The following SORBS2 variants were observed in gnomAD, a reference collection of about 807,000 sequenced individuals.
SORBS2 encodes the protein sorbin and SH3 domain-containing protein 2.
SORBS2 carries 46 observed loss-of-function variants against 97.7 expected under a neutral mutation model. The ratio of observed to expected loss-of-function variants is 0.47; its 90% confidence interval spans 0.37 to 0.60. The LOEUF is 0.60. Ranked by LOEUF, SORBS2 falls within the 20% of genes least tolerant of loss-of-function variation. The probability of loss-of-function intolerance (pLI) is 0.00; values close to 1 mark genes in which losing one functional copy is unlikely to be tolerated. For synonymous variants in SORBS2, 476 were observed against 473.4 expected (o/e 1.01, Z -0.07); for missense variants, 1,316 against 1,282.3 (o/e 1.03, Z -0.40).
chr4:185,635,336 G>T lies in SORBS2; in HGVS notation c.397-4738C>A. 6.3e-7 allele frequency: 1 copy of T among 1,578,694 alleles called. No individual in the cohort carries two copies. The highest frequency in any genetic ancestry group is 8.7e-7 in the Non-Finnish European group (1 of 1,148,248). On this transcript the variant is annotated intron_variant, in intron 4 of 14. Coordinates refer to ENST00000418609, the Ensembl canonical transcript of SORBS2. The stretch of plus-strand genomic sequence containing the variant: ...CTCTAAGGGAGATATCTGAAAAAGA[G>T]AGAATAACGTGTTTTTACCTCATTG...
At chr4:185,689,020 A>G (rs2098037692) in intron 2 of SORBS2, among the ~76,000 whole-genome samples, 2 of 152,194 alleles carry the variant, frequency 1.3e-5, no homozygotes, top group African/African-American at 4.8e-5. Context: ...CTAAGCAGTA[A>G]CTTGGGTCAA....
intron 2 of SORBS2, among the ~76,000 whole-genome samples, chr4:185,761,273 C>G (rs2098888342): frequency 6.6e-6 from 1 of 152,212 alleles, no homozygotes; most frequent in Non-Finnish European, 1.5e-5. Flanking sequence ...TCTTGAAAAT[C>G]TGTACCGAAA....
At chr4:185,904,950 C>T (rs1371234421) in intron 1 of SORBS2, among the ~76,000 whole-genome samples, 1 of 151,990 alleles carries the variant, frequency 6.6e-6, no homozygotes, top group African/African-American at 2.4e-5. Flanking sequence ...ACTAAAAATA[C>T]AAAATTAGCC....
At chr4:185,801,262 T>G (rs1285135507) in intron 1 of SORBS2, among the ~76,000 whole-genome samples, 2 of 152,274 alleles carry the variant, frequency 1.3e-5, no homozygotes, top group Non-Finnish European at 2.9e-5. Flanking sequence ...CACCACATTT[T>G]CTTTATCCAT....
chr4:185,883,806 C>A (rs1478171682), intron 1 of SORBS2, among the ~76,000 whole-genome samples: 3 of 152,160 alleles, frequency 2.0e-5, no homozygotes, highest in East Asian at 1.9e-4. Flanking sequence ...TATGATCATG[C>A]CACTGTATGC....
At chr4:185,716,309 T>A (rs755518255) in intron 2 of SORBS2, among the ~76,000 whole-genome samples, 1 of 152,190 alleles carries the variant, frequency 6.6e-6, no homozygotes, top group African/African-American at 2.4e-5. Flanking sequence ...AAGTGACTTA[T>A]CCTCTCTCTG....
chr4:185,623,244 C>A lies in SORBS2; in HGVS notation c.1885G>T (p.Ala629Ser). The A allele has an allele frequency of 6.2e-7, 1 of 1,614,134 alleles. No individual in the cohort carries two copies. Among genetic ancestry groups the A allele is most frequent in the Non-Finnish European group, 8.5e-7 (1 of 1,180,022 alleles). Reference sequence around the variant, plus strand: ...GAGTCCAGAGCCTCAAACACAGATGCTTTACATTTTGCCTTTTCAGTCTGT... The same window carrying A: ...GAGTCCAGAGCCTCAAACACAGATGATTTACATTTTGCCTTTTCAGTCTGT... The change falls in exon 7 of 15, where the codon GCA becomes TCA. Residue 629 changes from alanine (A) to serine (S), a missense_variant. Ala to Ser is a moderately conservative substitution (Grantham distance 99). Transcript: ENST00000418609. This position sits in a 1 kb window ranked among gnomAD's most constrained non-coding sequence, Gnocchi z 6.4.
intron 1 of SORBS2, among the ~76,000 whole-genome samples, chr4:185,942,769 T>C (rs1347768697): frequency 6.6e-6 from 1 of 152,198 alleles, no homozygotes; most frequent in Admixed American, 6.5e-5. Flanking sequence ...TTCTTGCCTT[T>C]AAGGAGTTTA....
intron 1 of SORBS2, among the ~76,000 whole-genome samples, chr4:185,935,526 C>T (rs528052681): frequency 6.6e-6 from 1 of 152,262 alleles, no homozygotes; most frequent in African/African-American, 2.4e-5. Context: ...AATATTAAGA[C>T]ATTAGATCAT....
At chr4:185,786,008 A>G (rs1241475976) in intron 1 of SORBS2, among the ~76,000 whole-genome samples, 1 of 152,170 alleles carries the variant, frequency 6.6e-6, no homozygotes, top group Non-Finnish European at 1.5e-5. Flanking sequence ...GAAAAAAATT[A>G]TTTGCAAATT....
chr4:185,828,664 G>C (rs547076750), intron 1 of SORBS2, among the ~76,000 whole-genome samples: 32 of 152,146 alleles, frequency 2.1e-4, no homozygotes, highest in African/African-American at 7.5e-4. Flanking sequence ...ACAGCAACAC[G>C]AGATCCTAAA....
chr4:185,904,842 T>C lies in SORBS2; in HGVS notation c.-338+51354A>G, dbSNP rs143481049. ...GAAATAGGCCGGGCGCAGTGGCTCA[T>C]GCCTGTAATCCCAGCACTTTGGGAG... On this transcript the variant is annotated intron_variant, in intron 1 of 20. Coordinates refer to the SORBS2 transcript ENST00000284776. 9.0e-3 allele frequency among the ~76,000 whole-genome samples: 1,363 copies of C among 152,260 alleles called. 16 individuals are homozygous for C. The highest frequency in any genetic ancestry group is 0.024 in the Middle Eastern group (7 of 292).
chr4:185,602,494 G>T (rs1230794567), intron 12 of SORBS2, among the ~76,000 whole-genome samples: 1 of 152,168 alleles, frequency 6.6e-6, no homozygotes, highest in Non-Finnish European at 1.5e-5. Flanking sequence ...TTACTTTTAT[G>T]GAGATTGTCA....
At chr4:185,822,569 A>C (rs1210857886) in intron 1 of SORBS2, among the ~76,000 whole-genome samples, 1 of 152,272 alleles carries the variant, frequency 6.6e-6, no homozygotes, top group Non-Finnish European at 1.5e-5. Flanking sequence ...TGGGAACTTT[A>C]CAAAATATGC....
intron 2 of SORBS2, among the ~76,000 whole-genome samples, chr4:185,766,271 G>T (rs2098933543): frequency 6.6e-6 from 1 of 152,148 alleles, no homozygotes; most frequent in Non-Finnish European, 1.5e-5. Flanking sequence ...ACCATCTGGT[G>T]TGCCAGGCCA....
At chr4:185,643,048 C>A (rs190245231) in intron 4 of SORBS2, among the ~76,000 whole-genome samples, 269 of 152,380 alleles carry the variant, frequency 1.8e-3, no homozygotes, top group South Asian at 3.7e-3. Flanking sequence ...GGCCAGGCAT[C>A]GTCCCAGGTG....
At chr4:185,727,550 A>G (rs1247959174) in intron 2 of SORBS2, among the ~76,000 whole-genome samples, 1 of 152,216 alleles carries the variant, frequency 6.6e-6, no homozygotes, top group African/African-American at 2.4e-5. Flanking sequence ...AGCTTTTATC[A>G]GATCATGTTT....
At chr4:185,932,797 C>T (rs1252965730) in intron 1 of SORBS2, 2 of 152,214 alleles carry the variant, frequency 1.3e-5, no homozygotes, top group Non-Finnish European at 2.9e-5. Context: ...CTGAAGAAAA[C>T]ACAGCTTTTC....
chr4:185,735,156 T>C (rs2098675006), intron 2 of SORBS2, among the ~76,000 whole-genome samples: 1 of 152,294 alleles, frequency 6.6e-6, no homozygotes, highest in South Asian at 2.1e-4. Context: ...AAGAGGGTCA[T>C]GGGATGTGGG....
Sources: gnomAD v4.1 joint callset for allele counts (sites outside exome capture counted in the v4.1 genomes callset) on GRCh38, gnomAD v4.1.1 for gene constraint, Gnocchi (gnomAD v3.1) non-coding constraint, MANE v1.5 for transcripts, NCBI Gene and HGNC (gene_info 2026-07-23, HGNC 2026-07-21) for gene names.